VASH1: variants seen among roughly 807,000 people sequenced by gnomAD.
The protein encoded by VASH1 is vasohibin 1.
VASH1 carries 16 observed loss-of-function variants against 35.0 expected under a neutral mutation model. The observed-to-expected ratio is 0.46, with a 90% CI of 0.31 to 0.70. The LOEUF is 0.70. Among genes scored for constraint, VASH1 ranks in the 30% least tolerant of loss-of-function variants. VASH1 has a pLI of 0.05. For missense variants in VASH1, 505 were observed against 510.7 expected (o/e 0.99, Z 0.11); for synonymous variants, 214 against 200.9 (o/e 1.07, Z -0.55).
In VASH1 at chr14:76,778,051, G is replaced by C. The variant is rs776697286; in HGVS notation, c.1005G>C (p.Arg335Ser). The change falls in exon 6 of 7, where the codon AGG becomes AGC. Residue 335 changes from arginine (R) to serine (S), a missense_variant. Arg to Ser is a moderately radical substitution (Grantham distance 110). Coordinates refer to ENST00000167106, the MANE Select transcript of VASH1 (RefSeq NM_014909.5). ...GGGCCCAGTCCAGCCCCCACCGCAG[G>C]AACAGCCGCAGTGAAAGACGGTGAG... The part of the protein sequence containing the change: ...PQRAQSSPHR[R>S]NSRSERRPSG... 1.3e-6 allele frequency: 2 copies of C among 1,511,402 alleles called. No individual in the cohort carries two copies. The highest frequency in any genetic ancestry group is 2.3e-5 in the Admixed American group (1 of 44,324). The allele number at this position is 1,511,402 out of a possible 1,614,324, so 93.6% of individuals were successfully genotyped here.
Position 76,776,234 on chromosome 14 carries a change from C to G in VASH1, c.873C>G (p.Arg291=), listed in dbSNP as rs752857536. 12 of 1,607,318 alleles carry G rather than the reference C, an allele frequency of 7.5e-6. No homozygotes were observed. In the South Asian group the frequency reaches 1.1e-4, roughly 15 times the overall value. The stretch of plus-strand genomic sequence containing the variant: ...AGCGCCTGGGCCGCGATGACTTCCG[C>G]AAGGAGCTGGAGCGCCACGCCCGCG... ...DVERLGRDDF[R]KELERHARDM... is the part of the protein sequence containing the mutation. The change falls in exon 5 of 7, where the codon CGC becomes CGG. Residue 291 remains arginine, a synonymous_variant. Coordinates refer to ENST00000167106, the MANE Select transcript of VASH1 (RefSeq NM_014909.5).
chr14:76,776,792 G>A (rs944710370), intron 5 of VASH1, among the ~76,000 whole-genome samples: 2 of 152,160 alleles, frequency 1.3e-5, no homozygotes, highest in Non-Finnish European at 2.9e-5. Context: ...GAGCCCTAGA[G>A]CCTTTCAGCA....
chr14:76,776,396 A>T, intron 5 of VASH1, 123 bp downstream of exon 5: 1 of 1,304,390 alleles, frequency 7.7e-7, no homozygotes. Flanking sequence ...GACCTTGCTT[A>T]GTGGTCGATA....
intron 2 of VASH1, among the ~76,000 whole-genome samples, chr14:76,770,523 GTTC>G (rs1055526401): frequency 3.4e-4 from 52 of 152,310 alleles, no homozygotes; most frequent in African/African-American, 1.2e-3. Flanking sequence ...ATTTTCTCCA[GTTC>G]TTCTCCTTTT....
At chr14:76,777,908 G>C (rs1893987557) in intron 5 of VASH1, 51 bp from the exon 6 acceptor site, 3 of 1,331,188 alleles carry the variant, frequency 2.3e-6, no homozygotes, top group African/African-American at 3.1e-5. Context: ...GGAGAGGTTG[G>C]GCTCCAGGGC....
rs539235973 is a variant in VASH1 at position 76,782,146 on chromosome 14, T to C, written c.*3128T>C. 1 of 152,400 alleles carries C rather than the reference T, an allele frequency of 6.6e-6. No individual in the cohort carries two copies. Among genetic ancestry groups the C allele is most frequent in the Admixed American group, 6.5e-5 (1 of 15,294 alleles). The allele number at this position is 152,400 out of a possible 1,614,324, so 9.4% of individuals were successfully genotyped here. On this transcript the variant is annotated 3_prime_UTR_variant, in exon 7 of 7. Coordinates refer to ENST00000167106, the MANE Select transcript of VASH1 (RefSeq NM_014909.5). Reference sequence around the variant, plus strand: ...GGGCAGAACACTGGGGAGCCAGGTATAGAGAGCCTTCCTGTCATAACTGCC... The same window carrying C: ...GGGCAGAACACTGGGGAGCCAGGTACAGAGAGCCTTCCTGTCATAACTGCC...
chr14:76,777,584 G>C (rs1019515653), intron 5 of VASH1, among the ~76,000 whole-genome samples: 2 of 152,168 alleles, frequency 1.3e-5, no homozygotes, highest in Non-Finnish European at 2.9e-5. Context: ...TCAATGGCTG[G>C]AGATACCCAG....
chr14:76,764,548 C>A (rs1182807351), intron 1 of VASH1, among the ~76,000 whole-genome samples: 1 of 152,114 alleles, frequency 6.6e-6, no homozygotes, highest in Non-Finnish European at 1.5e-5. Flanking sequence ...TCTATATGGC[C>A]TCTTCCACCT....
At chr14:76,766,859 C>T (rs987713522) in intron 1 of VASH1, among the ~76,000 whole-genome samples, 1 of 152,210 alleles carries the variant, frequency 6.6e-6, no homozygotes, top group Non-Finnish European at 1.5e-5. Flanking sequence ...GCTCTAAGGC[C>T]TCGACCTGCA....
At position 76,779,090 on chromosome 14, in the gene VASH1, C is replaced by T. The variant is rs961002475; in HGVS notation, c.*72C>T. 2 of 1,520,662 alleles carry T rather than the reference C, an allele frequency of 1.3e-6. No individual in the cohort carries two copies. The highest frequency in any genetic ancestry group is 1.8e-6 in the Non-Finnish European group (2 of 1,099,954). 94.2% of individuals were successfully genotyped at this position (1,520,662 alleles called of 1,614,324 possible). On this transcript the variant is annotated 3_prime_UTR_variant, in exon 7 of 7. Coordinates refer to ENST00000167106, the MANE Select transcript of VASH1 (RefSeq NM_014909.5). ...TCCACCTGCTGGAACCAGCCTTATGCATGGGGAAGGCGGGGCTGGTGACAA... is the reference window on the plus strand; with the variant it reads ...TCCACCTGCTGGAACCAGCCTTATGTATGGGGAAGGCGGGGCTGGTGACAA...
chr14:76,763,690 CG>C (rs911368338), intron 1 of VASH1, among the ~76,000 whole-genome samples: 2 of 151,906 alleles, frequency 1.3e-5, no homozygotes, highest in Non-Finnish European at 2.9e-5. Context: ...AGGAGAAGGG[CG>C]GGGGGTGGTG....
intron 2 of VASH1, 60 bp downstream of exon 2, chr14:76,770,111 C>CAAA: frequency 6.6e-7 from 1 of 1,519,240 alleles, no homozygotes; most frequent in Non-Finnish European, 9.1e-7. Context: ...GCCTTGTTTC[C>CAAA]AGGCAGAGCT....
Position 76,776,291 on chromosome 14 carries a change from G to GCCCTCGCCCCCT in VASH1, c.912+34_912+45dup, listed in dbSNP as rs574451941. 50 of 1,539,566 alleles carry GCCCTCGCCCCCT rather than the reference G, an allele frequency of 3.2e-5. No homozygotes were observed. Among genetic ancestry groups the GCCCTCGCCCCCT allele is most frequent in the Middle Eastern group, 2.3e-4 (1 of 4,394 alleles). On this transcript the variant is annotated intron_variant, in intron 5 of 6. Transcript: ENST00000167106. Reference sequence around the variant, plus strand: ...GGCTCAAGGTCTGCCCGCCTTCCACGCCCTCGCCCCCTCCCTCGCCCCCTC... The same window carrying GCCCTCGCCCCCT: ...GGCTCAAGGTCTGCCCGCCTTCCACGCCCTCGCCCCCTCCCTCGCCCCCTCCCTCGCCCCCTC...
At chr14:76,771,104 C>G in intron 2 of VASH1, 86 bp from the exon 3 acceptor site, 1 of 1,284,550 alleles carries the variant, frequency 7.8e-7, no homozygotes, top group Non-Finnish European at 1.0e-6. Context: ...CTCCAGGAGA[C>G]TTGGCTCTTG....
At position 76,776,168 on chromosome 14, in the gene VASH1, C is replaced by T. The variant is rs778861771; in HGVS notation, c.807C>T (p.Ser269=). Residue 269 remains serine, a synonymous_variant, in exon 5 of 7, where the codon AGC becomes AGT. Transcript: ENST00000167106. The part of the protein sequence containing the change: ...LGQSVSHDPH[S]VEQIEWKHSV... Reference sequence around the variant, plus strand: ...AGAGCGTGTCACACGACCCGCACAGCGTGGAGCAGATCGAGTGGAAGCACT... The same window carrying T: ...AGAGCGTGTCACACGACCCGCACAGTGTGGAGCAGATCGAGTGGAAGCACT... The T allele has an allele frequency of 6.2e-7, 1 of 1,610,838 alleles. No individual in the cohort carries two copies. The highest frequency in any genetic ancestry group is 8.5e-7 in the Non-Finnish European group (1 of 1,179,770).
At position 76,780,448 on chromosome 14, in the gene VASH1, G is replaced by A. The variant is rs1443433918; in HGVS notation, c.*1430G>A. 1 of 152,400 alleles carries A rather than the reference G, an allele frequency of 6.6e-6. No homozygotes were observed. The highest frequency in any genetic ancestry group is 1.5e-5 in the Non-Finnish European group (1 of 68,136). 9.4% of individuals were successfully genotyped at this position (152,400 alleles called of 1,614,324 possible). A position where few individuals can be genotyped will look rare whatever the true frequency, so the allele number is the denominator to read the frequency against. ...ATGACCATTAAGGTTTTGTTTTACT[G>A]AGAGGCTGTAAGTCTGCCAGGGACA... is the stretch of plus-strand genomic sequence containing the variant. On this transcript the variant is annotated 3_prime_UTR_variant, in exon 7 of 7. Coordinates refer to ENST00000167106, the MANE Select transcript of VASH1 (RefSeq NM_014909.5).
At chr14:76,777,885 G>A (rs1405538660) in intron 5 of VASH1, 74 bp from the exon 6 acceptor site, 3 of 1,179,070 alleles carry the variant, frequency 2.5e-6, no homozygotes, top group Non-Finnish European at 2.2e-6. Context: ...CCAGGGACCT[G>A]TGGCTCCTGG....
At chr14:76,770,718 A>G (rs986941803) in intron 2 of VASH1, among the ~76,000 whole-genome samples, 2 of 152,134 alleles carry the variant, frequency 1.3e-5, no homozygotes, top group Admixed American at 1.3e-4. Flanking sequence ...AGAGCTAGGC[A>G]TGGGTCCTGG....
At position 76,762,652 on chromosome 14, in the gene VASH1, T is replaced by G; in HGVS notation, c.-170T>G. 1 of 523,258 alleles carries G rather than the reference T, an allele frequency of 1.9e-6. No individual in the cohort carries two copies. Among genetic ancestry groups the G allele is most frequent in the Non-Finnish European group, 3.2e-6 (1 of 316,300 alleles). 32.4% of individuals were successfully genotyped at this position (523,258 alleles called of 1,614,324 possible). A position where few individuals can be genotyped will look rare whatever the true frequency, so the allele number is the denominator to read the frequency against. On this transcript the variant is annotated 5_prime_UTR_variant, in exon 1 of 7. Coordinates refer to ENST00000167106, the MANE Select transcript of VASH1 (RefSeq NM_014909.5). The stretch of plus-strand genomic sequence containing the variant: ...CCCCCTCGGACCCTAATTCACCTTA[T>G]TGCACTGATTTTTTTTATCAAGTCG...
Sources: allele counts gnomAD v4.1 joint callset (sites outside exome capture counted in the v4.1 genomes callset), GRCh38; gene constraint gnomAD v4.1.1; transcripts MANE v1.5; gene names NCBI Gene and HGNC (gene_info 2026-07-23, HGNC 2026-07-21).